The following FOXP2 variants were observed in gnomAD, a reference collection of about 807,000 sequenced individuals.
FOXP2 encodes the protein forkhead box P2.
Under a neutral mutation model 115.8 loss-of-function variants are expected in FOXP2, and 12 were observed. The observed-to-expected ratio is 0.10, with a 90% CI of 0.07 to 0.17. The LOEUF is 0.17. FOXP2 is among the 10% of genes least tolerant of loss of function. The probability of loss-of-function intolerance (pLI) is 1.00; values close to 1 mark genes in which losing one functional copy is unlikely to be tolerated. For synonymous variants in FOXP2, 328 were observed against 297.7 expected (o/e 1.10, Z -1.05); for missense variants, 629 against 843.5 (o/e 0.75, Z 3.15).
At chr7:114,513,774 A>G (rs1798190004) in intron 2 of FOXP2, among the ~76,000 whole-genome samples, 1 of 152,052 alleles carries the variant, frequency 6.6e-6, no homozygotes, top group Non-Finnish European at 1.5e-5. Context: ...AAAAAGTCCT[A>G]ATTTTTAGAA....
In FOXP2 at chr7:114,415,233, T is replaced by G; in HGVS notation, c.-138T>G. ...TGGTGGCTTTGACAGTGAGCTAGCT[T>G]CTGAGTTTTCCCTTCTTTTTATACT... On this transcript the variant is annotated 5_prime_UTR_variant, in exon 1 of 17. Transcript: ENST00000350908. The G allele has an allele frequency of 4.4e-6, 2 of 453,962 alleles. No individual in the cohort carries two copies. Among genetic ancestry groups the G allele is most frequent in the Non-Finnish European group, 4.4e-6 (1 of 226,706 alleles). 28.1% of individuals were successfully genotyped at this position (453,962 alleles called of 1,614,324 possible).
At chr7:114,635,309 C>T (rs1805158926) in intron 6 of FOXP2, among the ~76,000 whole-genome samples, 3 of 152,096 alleles carry the variant, frequency 2.0e-5, no homozygotes, top group African/African-American at 7.2e-5. Flanking sequence ...CTTGTGATTG[C>T]ATAGATTACT....
chr7:114,377,603 C>A (rs539180431), intron 2 of FOXP2, among the ~76,000 whole-genome samples: 1 of 152,256 alleles, frequency 6.6e-6, no homozygotes, highest in African/African-American at 2.4e-5. Context: ...CATGTCTTTT[C>A]CCTCTTACTG....
chr7:114,383,775 G>A (rs928805408), intron 2 of FOXP2, among the ~76,000 whole-genome samples: 3 of 151,740 alleles, frequency 2.0e-5, no homozygotes, highest in African/African-American at 7.3e-5. Flanking sequence ...TTTTGCCTTG[G>A]GGGGAACATT....
chr7:114,411,013 C>T (rs1447166915), upstream of FOXP2, among the ~76,000 whole-genome samples: 1 of 152,028 alleles, frequency 6.6e-6, no homozygotes, highest in Non-Finnish European at 1.5e-5. Flanking sequence ...ATTGCACTCT[C>T]AGCGAACTTA....
At chr7:114,270,141 A>G (rs1220046798) in intron 1 of FOXP2, among the ~76,000 whole-genome samples, 1 of 152,154 alleles carries the variant, frequency 6.6e-6, no homozygotes, top group Non-Finnish European at 1.5e-5. Context: ...ATGTCTTTCC[A>G]TGGCTTGATA....
intron 2 of FOXP2, among the ~76,000 whole-genome samples, chr7:114,334,330 G>T (rs1399869410): frequency 6.6e-6 from 1 of 151,112 alleles, no homozygotes; most frequent in Non-Finnish European, 1.5e-5. Context: ...ATATTTGTTT[G>T]GAATAAGTCT....
chr7:114,685,158 G>A (rs995882942), intron 16 of FOXP2, among the ~76,000 whole-genome samples: 3 of 152,070 alleles, frequency 2.0e-5, no homozygotes, highest in African/African-American at 7.2e-5. Flanking sequence ...AGTGGTGCAT[G>A]TTTTCCTGAT....
Position 114,690,123 on chromosome 7 carries a change from CTTCTTCTT to C in FOXP2, c.*200_*207del. On this transcript the variant is annotated 3_prime_UTR_variant, in exon 17 of 17. Coordinates refer to ENST00000350908, the MANE Select transcript of FOXP2 (RefSeq NM_014491.4). ...GCAAATTGCTTGTTTTCTTCTTCTTCTTCTTCTTTTTTTTTTTTTTTTTAGAAAAAAAG... is the reference window on the plus strand; with the variant it reads ...GCAAATTGCTTGTTTTCTTCTTCTTCTTTTTTTTTTTTTTTAGAAAAAAAG... The C allele has an allele frequency of 1.9e-6, 1 of 527,156 alleles. No individual in the cohort carries two copies. 32.7% of individuals were successfully genotyped at this position (527,156 alleles called of 1,614,324 possible).
At chr7:114,106,151 C>T (rs1010470885) in intron 1 of FOXP2, among the ~76,000 whole-genome samples, 2 of 152,044 alleles carry the variant, frequency 1.3e-5, no homozygotes, top group Admixed American at 6.6e-5. Flanking sequence ...ATCCTTGCTG[C>T]GTGACCTTGG....
At chr7:114,251,203 T>C (rs1306771218) in intron 1 of FOXP2, among the ~76,000 whole-genome samples, 4 of 152,220 alleles carry the variant, frequency 2.6e-5, no homozygotes, top group Non-Finnish European at 4.4e-5. Context: ...ACTGTAGCCT[T>C]GTAGTATAGT....
At chr7:114,160,394 C>T (rs1465966715), upstream of FOXP2, among the ~76,000 whole-genome samples, 2 of 152,078 alleles carry the variant, frequency 1.3e-5, no homozygotes, top group Non-Finnish European at 2.9e-5. Flanking sequence ...AGGTTTATCT[C>T]ATGACTAGTT....
intron 2 of FOXP2, among the ~76,000 whole-genome samples, chr7:114,519,685 T>A (rs1340727634): frequency 6.6e-6 from 1 of 152,110 alleles, no homozygotes; most frequent in Non-Finnish European, 1.5e-5. Flanking sequence ...CTTAAATAGG[T>A]CATTCTGCAA....
chr7:114,182,328 C>A (rs1793479169), intron 1 of FOXP2, among the ~76,000 whole-genome samples: 1 of 151,926 alleles, frequency 6.6e-6, no homozygotes, highest in Admixed American at 6.6e-5. Flanking sequence ...AGGTTCAATA[C>A]TGTCTTTTTA....
intron 1 of FOXP2, among the ~76,000 whole-genome samples, chr7:114,138,671 G>A (rs901052174): frequency 2.6e-5 from 4 of 152,082 alleles, no homozygotes; most frequent in African/African-American, 7.2e-5. Context: ...GATTACAGGC[G>A]TGAGCCACCA....
chr7:114,494,791 C>G (rs925590300), intron 2 of FOXP2, among the ~76,000 whole-genome samples: 1 of 151,918 alleles, frequency 6.6e-6, no homozygotes, highest in Non-Finnish European at 1.5e-5. Flanking sequence ...ATGAAAAAAA[C>G]GCGGTAAAAT....
chr7:114,132,573 G>A (rs1261037090), intron 1 of FOXP2, among the ~76,000 whole-genome samples: 3 of 137,106 alleles, frequency 2.2e-5, no homozygotes, highest in Non-Finnish European at 3.2e-5. Context: ...GTGTGTGTGT[G>A]TGTGTGTGTG....
chr7:114,200,376 G>A (rs1794028934), intron 1 of FOXP2, among the ~76,000 whole-genome samples: 1 of 152,138 alleles, frequency 6.6e-6, no homozygotes, highest in Non-Finnish European at 1.5e-5. Context: ...TTTATCCAAA[G>A]TTATTCTGAA....
intron 1 of FOXP2, among the ~76,000 whole-genome samples, chr7:114,244,015 T>C (rs1795218439): frequency 6.6e-6 from 1 of 152,126 alleles, no homozygotes; most frequent in South Asian, 2.1e-4. Context: ...TGAGTTTTCA[T>C]AGTACCTGTT....
Sources: allele counts gnomAD v4.1 joint callset (sites outside exome capture counted in the v4.1 genomes callset), GRCh38; gene constraint gnomAD v4.1.1; transcripts MANE v1.5; gene names NCBI Gene and HGNC (gene_info 2026-07-23, HGNC 2026-07-21).